The following ZNF804B variants were observed in gnomAD, a reference collection of about 807,000 sequenced individuals.
ZNF804B encodes the protein zinc finger 804B.
A neutral mutation model predicts 101.4 loss-of-function variants in ZNF804B; 80 were observed. That is an observed-to-expected ratio of 0.79 (90% CI 0.66 to 0.95). The LOEUF (loss-of-function observed/expected upper bound fraction) is 0.95. Among genes scored for constraint, ZNF804B ranks in the 40% least tolerant of loss-of-function variants. ZNF804B has a pLI of 0.00. For missense variants in ZNF804B, 1,673 were observed against 1,561.9 expected (o/e 1.07, Z -1.20); for synonymous variants, 622 against 558.8 (o/e 1.11, Z -1.59).
At chr7:88,879,002 A>G (rs1015590666) in intron 1 of ZNF804B, among the ~76,000 whole-genome samples, 1 of 152,180 alleles carries the variant, frequency 6.6e-6, no homozygotes, top group Non-Finnish European at 1.5e-5. Context: ...CCACTCTGCC[A>G]GGCAATATTA....
chr7:88,763,467 A>C (rs1174231551), intron 1 of ZNF804B, among the ~76,000 whole-genome samples: 1 of 152,124 alleles, frequency 6.6e-6, no homozygotes, highest in Non-Finnish European at 1.5e-5. Context: ...TGTGTGAAAA[A>C]ATAGCATACT....
At chr7:89,023,556 TG>T (rs1377414626) in intron 1 of ZNF804B, among the ~76,000 whole-genome samples, 2 of 152,186 alleles carry the variant, frequency 1.3e-5, no homozygotes, top group Non-Finnish European at 2.9e-5. Context: ...TCAGAATATT[TG>T]AGCATTTTAC....
chr7:88,825,460 T>A (rs565127687), intron 1 of ZNF804B, among the ~76,000 whole-genome samples: 52 of 152,148 alleles, frequency 3.4e-4, no homozygotes, highest in African/African-American at 1.2e-3. Context: ...AGCAGCACTC[T>A]CAGATTGCAG....
chr7:89,094,547 T>TA (rs1208997231), intron 1 of ZNF804B, among the ~76,000 whole-genome samples: 7 of 151,496 alleles, frequency 4.6e-5, no homozygotes, highest in African/African-American at 7.3e-5. Flanking sequence ...CTCACTTTTT[T>TA]AAAAAAAAAT....
chr7:89,292,028 T>G (rs1207087487), intron 2 of ZNF804B, among the ~76,000 whole-genome samples: 2 of 151,800 alleles, frequency 1.3e-5, no homozygotes, highest in African/African-American at 4.8e-5. Context: ...CCTAAAAGAG[T>G]AAAAAATTCC....
At chr7:89,264,338 G>A (rs1263502610) in intron 2 of ZNF804B, among the ~76,000 whole-genome samples, 1 of 152,184 alleles carries the variant, frequency 6.6e-6, no homozygotes, top group Non-Finnish European at 1.5e-5. Flanking sequence ...TTGAGGGAGA[G>A]CAGCCAGCAC....
Position 89,333,931 on chromosome 7 carries a change from T to G in ZNF804B, c.949T>G (p.Ser317Ala). The G allele has an allele frequency of 6.2e-7, 1 of 1,613,650 alleles. No homozygotes were observed. Among genetic ancestry groups the G allele is most frequent in the Non-Finnish European group, 8.5e-7 (1 of 1,179,784 alleles). Reference protein sequence around the residue: ...HDSIDETLEDSIGIHASFSKS... With the variant: ...HDSIDETLEDAIGIHASFSKS... ...CTCTATTGATGAGACACTAGAAGATTCAATTGGCATTCATGCTTCATTCTC... is the reference window on the plus strand; with the variant it reads ...CTCTATTGATGAGACACTAGAAGATGCAATTGGCATTCATGCTTCATTCTC... The change falls in exon 4 of 4, where the codon TCA becomes GCA. Residue 317 changes from serine (S) to alanine (A), a missense_variant. By Grantham distance (99) the Ser-to-Ala change is moderately conservative. Coordinates refer to ENST00000333190, the MANE Select transcript of ZNF804B (RefSeq NM_181646.5).
chr7:89,114,199 T>G (rs1181227547), intron 1 of ZNF804B, among the ~76,000 whole-genome samples: 1 of 152,228 alleles, frequency 6.6e-6, no homozygotes, highest in African/African-American at 2.4e-5. Flanking sequence ...GTAAATTAAC[T>G]AATAAATGTT....
At chr7:89,191,676 A>G (rs969738776) in intron 1 of ZNF804B, among the ~76,000 whole-genome samples, 13 of 152,128 alleles carry the variant, frequency 8.5e-5, no homozygotes, top group Admixed American at 7.9e-4. Flanking sequence ...TTTGAATGAC[A>G]TTCAGTGGTA....
intron 1 of ZNF804B, among the ~76,000 whole-genome samples, chr7:88,924,376 G>A (rs981657705): frequency 1.3e-5 from 2 of 152,030 alleles, no homozygotes; most frequent in African/African-American, 4.8e-5. Context: ...GTTTCCCTGT[G>A]TCTGATTTTC....
intron 1 of ZNF804B, among the ~76,000 whole-genome samples, chr7:88,882,792 A>G (rs1340410476): frequency 6.6e-6 from 1 of 152,128 alleles, no homozygotes; most frequent in Non-Finnish European, 1.5e-5. Flanking sequence ...TACAAGTGGG[A>G]GCTAAACATT....
intron 1 of ZNF804B, among the ~76,000 whole-genome samples, chr7:88,791,125 T>A (rs1790376964): frequency 6.6e-6 from 1 of 152,076 alleles, no homozygotes; most frequent in Admixed American, 6.6e-5. Flanking sequence ...AAGTTACTAA[T>A]TAAGTTGGAG....
intron 2 of ZNF804B, among the ~76,000 whole-genome samples, chr7:89,295,153 G>T (rs1251603482): frequency 6.6e-6 from 1 of 151,992 alleles, no homozygotes; most frequent in African/African-American, 2.4e-5. Flanking sequence ...TATTATCTGG[G>T]GATTCTGATA....
At chr7:89,083,732 AT>A (rs964307927) in intron 1 of ZNF804B, among the ~76,000 whole-genome samples, 6 of 151,206 alleles carry the variant, frequency 4.0e-5, no homozygotes, top group Non-Finnish European at 7.4e-5. Flanking sequence ...AACTTTGAAG[AT>A]TTTTTTTTCA....
chr7:88,810,083 A>G (rs571897298), intron 1 of ZNF804B, among the ~76,000 whole-genome samples: 1 of 152,286 alleles, frequency 6.6e-6, no homozygotes, highest in East Asian at 1.9e-4. Flanking sequence ...ATTAACCACT[A>G]CCAATGTTCC....
rs539268452 is a variant in ZNF804B at position 88,873,800 on chromosome 7, G to A, written c.108+113716G>A. 2.0e-5 allele frequency among the ~76,000 whole-genome samples: 3 copies of A among 152,218 alleles called. No individual in the cohort carries two copies. In the South Asian group the frequency reaches 6.2e-4, roughly 32 times the overall value. On this transcript the variant is annotated intron_variant, in intron 1 of 3. Transcript: ENST00000333190. ...GTCATAGATATGCGGCATTATTTCT[G>A]AGGGCTCTGTTCTGTTCCATTGATC... is the stretch of plus-strand genomic sequence containing the variant.
At chr7:89,220,467 C>T (rs1245312802) in intron 2 of ZNF804B, among the ~76,000 whole-genome samples, 3 of 151,656 alleles carry the variant, frequency 2.0e-5, no homozygotes, top group African/African-American at 4.8e-5. Flanking sequence ...AAATTTCAAA[C>T]GTATATAAAT....
At chr7:88,970,426 A>G (rs1298126555) in intron 1 of ZNF804B, among the ~76,000 whole-genome samples, 3 of 151,278 alleles carry the variant, frequency 2.0e-5, no homozygotes, top group Non-Finnish European at 4.4e-5. Flanking sequence ...ACTGAAAAAT[A>G]AAAACTTTAT....
intron 1 of ZNF804B, among the ~76,000 whole-genome samples, chr7:89,007,395 A>G (rs1460219265): frequency 6.9e-6 from 1 of 144,246 alleles, no homozygotes; most frequent in Non-Finnish European, 1.5e-5. Context: ...TTCAGGAAAC[A>G]CTTCAAAGGA....
Sources: gnomAD v4.1 joint callset for allele counts (sites outside exome capture counted in the v4.1 genomes callset) on GRCh38, gnomAD v4.1.1 for gene constraint, MANE v1.5 for transcripts, NCBI Gene and HGNC (gene_info 2026-07-23, HGNC 2026-07-21) for gene names.